The following RGS6 variants were observed in gnomAD, a reference collection of about 807,000 sequenced individuals.
RGS6 encodes regulator of G protein signaling 6.
RGS6 carries 30 observed loss-of-function variants against 78.5 expected under a neutral mutation model. That is an observed-to-expected ratio of 0.38 (90% CI 0.29 to 0.52). The LOEUF is 0.52. Among genes scored for constraint, RGS6 ranks in the 20% least tolerant of loss-of-function variants. RGS6 has a pLI of 0.85. For missense variants in RGS6, 495 were observed against 609.7 expected, an observed-to-expected ratio of 0.81 and a Z score of 1.98; for synonymous variants, 206 against 206.0, an observed-to-expected ratio of 1.00 and a Z score of 0.00.
In RGS6 at chr14:72,140,872, G is replaced by A. The variant is rs758056; in HGVS notation, c.84+175997G>A. On this transcript the variant is annotated intron_variant, in intron 2 of 17. Transcript: ENST00000553525. ...AGGGTCCTTGCAATGGGCTGCTGGT[G>A]TTCCTGTCATTCATAAGCTTGGACT... 1.8e-3 allele frequency among the ~76,000 whole-genome samples: 271 copies of A among 152,340 alleles called. 2 individuals are homozygous for A. The highest frequency in any genetic ancestry group is 6.8e-3 in the Middle Eastern group (2 of 294).
chr14:72,307,797 A>G (rs565324328), intron 2 of RGS6, among the ~76,000 whole-genome samples: 1 of 152,308 alleles, frequency 6.6e-6, no homozygotes, highest in South Asian at 2.1e-4. Context: ...AAATTCATAT[A>G]CTAAAGTAAG....
intron 3 of RGS6, among the ~76,000 whole-genome samples, chr14:72,393,604 G>A (rs1596686903): frequency 6.6e-6 from 1 of 152,180 alleles, no homozygotes. Context: ...TATATGCCCT[G>A]CCATATCTGC....
intron 2 of RGS6, among the ~76,000 whole-genome samples, chr14:72,201,492 T>C (rs1481666661): frequency 6.6e-6 from 1 of 152,250 alleles, no homozygotes; most frequent in African/African-American, 2.4e-5. Flanking sequence ...ATTCGACTTT[T>C]TAAATTCAGC....
chr14:71,972,875 C>T (rs1010240099), intron 2 of RGS6, among the ~76,000 whole-genome samples: 10 of 152,142 alleles, frequency 6.6e-5, no homozygotes, highest in African/African-American at 2.4e-4. Flanking sequence ...AATGAGGAGT[C>T]TTTTCCCTAG....
At chr14:71,926,737 G>T in the RGS6 span, among the ~76,000 whole-genome samples, 50 of 152,110 alleles carry the variant, frequency 3.3e-4, no homozygotes, top group Middle Eastern at 0.01. Context: ...TAATAAAAAG[G>T]CTTTCTCTTG....
intron 3 of RGS6, among the ~76,000 whole-genome samples, chr14:72,359,553 A>G (rs2081060300): frequency 6.6e-6 from 1 of 152,154 alleles, no homozygotes; most frequent in Non-Finnish European, 1.5e-5. Context: ...CAGCATGTAG[A>G]CAGTATTTAG....
At chr14:72,371,903 G>A (rs2083594691) in intron 3 of RGS6, among the ~76,000 whole-genome samples, 1 of 152,216 alleles carries the variant, frequency 6.6e-6, no homozygotes, top group South Asian at 2.1e-4. Flanking sequence ...TGGACATCAT[G>A]CTCTGGAGCA....
chr14:72,259,097 T>C (rs1436517826), intron 2 of RGS6, among the ~76,000 whole-genome samples: 1 of 152,208 alleles, frequency 6.6e-6, no homozygotes, highest in Non-Finnish European at 1.5e-5. Flanking sequence ...CAGCCTATAG[T>C]GTCTGCTACA....
the RGS6 span, among the ~76,000 whole-genome samples, chr14:72,599,759 A>T: frequency 6.6e-6 from 1 of 151,916 alleles, no homozygotes; most frequent in Non-Finnish European, 1.5e-5. Context: ...ACAGCCCCTG[A>T]TGAGAGCAGG....
intron 2 of RGS6, among the ~76,000 whole-genome samples, chr14:72,054,373 A>G (rs2093503834): frequency 6.6e-6 from 1 of 152,154 alleles, no homozygotes; most frequent in South Asian, 2.1e-4. Context: ...CTCGAAGATG[A>G]CAGTTCTACA....
At position 72,539,682 on chromosome 14, in the gene RGS6, G is replaced by A. The variant is rs944390011; in HGVS notation, c.1369-359G>A. Among the ~76,000 whole-genome samples the A allele has an allele frequency of 3.3e-5, 5 of 152,274 alleles. No individual in the cohort carries two copies. The East Asian group carries it at 5.8e-4, about 18-fold the overall frequency. On this transcript the variant is annotated intron_variant, in intron 16 of 17. Transcript: ENST00000553525. Reference sequence around the variant, plus strand: ...CACCAGGGCTCCTGCCTGTGGGCACGGCAGGTTGAAAGCAGCAAGCAAGCT... The same window carrying A: ...CACCAGGGCTCCTGCCTGTGGGCACAGCAGGTTGAAAGCAGCAAGCAAGCT...
At chr14:72,217,443 C>T (rs2045860678) in intron 2 of RGS6, among the ~76,000 whole-genome samples, 1 of 152,134 alleles carries the variant, frequency 6.6e-6, no homozygotes, top group African/African-American at 2.4e-5. Flanking sequence ...TGTAAAAATG[C>T]ACATCCTAGG....
intron 3 of RGS6, among the ~76,000 whole-genome samples, chr14:72,410,922 G>C (rs968757924): frequency 6.6e-6 from 1 of 152,046 alleles, no homozygotes; most frequent in African/African-American, 2.4e-5. Flanking sequence ...TGTTCCATTG[G>C]TCTATATCTC....
chr14:72,357,606 T>C lies in RGS6; in HGVS notation c.184+5412T>C, dbSNP rs541870528. On this transcript the variant is annotated intron_variant, in intron 3 of 17. Transcript: ENST00000553525. ...TGGCATTTTGGCCCTGCCCTAGAGA[T>C]TTGTGAAACTTTGAACTTGAGAGAG... 1.4e-3 allele frequency among the ~76,000 whole-genome samples: 208 copies of C among 152,282 alleles called. 2 individuals carry two copies. Among genetic ancestry groups the C allele is most frequent in the African/African-American group, 4.9e-3 (202 of 41,558 alleles).
intron 2 of RGS6, among the ~76,000 whole-genome samples, chr14:72,348,810 G>A (rs998857961): frequency 4.6e-5 from 7 of 152,186 alleles, no homozygotes; most frequent in Admixed American, 1.3e-4. Flanking sequence ...CATTTTTTCA[G>A]AGTGTTGTTG....
chr14:72,381,292 G>GA (rs1301074566), intron 3 of RGS6, among the ~76,000 whole-genome samples: 1 of 151,968 alleles, frequency 6.6e-6, no homozygotes. Context: ...GCTAGATGGA[G>GA]AATATTGAAT....
chr14:72,518,759 T>C (rs2096987882), intron 15 of RGS6, among the ~76,000 whole-genome samples: 2 of 152,258 alleles, frequency 1.3e-5, no homozygotes, highest in Admixed American at 1.3e-4. Context: ...TGTGCAGTTA[T>C]ATGCTTTATT....
At chr14:72,342,687 G>C (rs1315441152) in intron 2 of RGS6, among the ~76,000 whole-genome samples, 2 of 140,594 alleles carry the variant, frequency 1.4e-5, no homozygotes, top group Non-Finnish European at 3.0e-5. Context: ...CCGAGGTCAG[G>C]CCACTGCACT....
intron 3 of RGS6, among the ~76,000 whole-genome samples, chr14:72,360,349 G>A (rs987270666): frequency 2.6e-5 from 4 of 151,474 alleles, no homozygotes; most frequent in East Asian, 2.0e-4. Context: ...GTGAAACCCC[G>A]TCTCTACTAA....
Sources: allele counts gnomAD v4.1 joint callset (sites outside exome capture counted in the v4.1 genomes callset), GRCh38; gene constraint gnomAD v4.1.1; transcripts MANE v1.5; gene names NCBI Gene and HGNC (gene_info 2026-07-23, HGNC 2026-07-21).